Variants in ANKIB1 observed in about 807,000 individuals in gnomAD.
ANKIB1 encodes the protein ankyrin repeat and IBR domain containing 1.
In ANKIB1, 43 loss-of-function variants were observed where a neutral mutation model predicts 122.1. The ratio of observed to expected loss-of-function variants is 0.35; its 90% confidence interval spans 0.28 to 0.45. The LOEUF is 0.45. ANKIB1 is among the 20% of genes least tolerant of loss of function. ANKIB1 has a pLI of 1.00. For missense variants in ANKIB1, 992 were observed against 1,329.5 expected, an observed-to-expected ratio of 0.75 and a Z score of 3.95; for synonymous variants, 390 against 442.0, an observed-to-expected ratio of 0.88 and a Z score of 1.48.
intron 2 of ANKIB1, among the ~76,000 whole-genome samples, chr7:92,303,909 A>G (rs1046672613): frequency 2.0e-5 from 3 of 152,166 alleles, no homozygotes; most frequent in Non-Finnish European, 2.9e-5. Flanking sequence ...CTGCTTAAGA[A>G]TTAACAGTGA....
chr7:92,280,357 G>A, intron 1 of ANKIB1, among the ~76,000 whole-genome samples: 1 of 152,034 alleles, frequency 6.6e-6, no homozygotes, highest in South Asian at 2.1e-4. Flanking sequence ...TTACAGTGGT[G>A]GAGGTGGGAG....
intron 11 of ANKIB1, among the ~76,000 whole-genome samples, chr7:92,377,228 A>G (rs1804401280): frequency 6.6e-6 from 1 of 152,042 alleles, no homozygotes; most frequent in South Asian, 2.1e-4. Flanking sequence ...AACTACTTTT[A>G]ATATTGTTGT....
chr7:92,360,161 CTT>C (rs1803910572), intron 9 of ANKIB1, among the ~76,000 whole-genome samples: 1 of 152,084 alleles, frequency 6.6e-6, no homozygotes. Context: ...TTCATAACCA[CTT>C]TTCATTTTCA....
chr7:92,344,166 G>GT (rs1320836578), intron 6 of ANKIB1, among the ~76,000 whole-genome samples: 1 of 138,402 alleles, frequency 7.2e-6, no homozygotes, highest in South Asian at 2.4e-4. Context: ...ACATAGGTGG[G>GT]TTTTTTGTTG....
intron 16 of ANKIB1, 125 bp from the exon 17 acceptor site, chr7:92,392,116 G>A: frequency 1.7e-6 from 1 of 591,012 alleles, no homozygotes; most frequent in Non-Finnish European, 2.8e-6. Context: ...TTTAATAGTT[G>A]ATCTACTTTA....
At chr7:92,387,655 T>G in intron 12 of ANKIB1, 143 bp from the exon 13 acceptor site, 1 of 630,880 alleles carries the variant, frequency 1.6e-6, no homozygotes, top group Non-Finnish European at 2.8e-6. Flanking sequence ...AAAACAAGTA[T>G]TGTTTTTCTG....
chr7:92,382,397 C>T (rs1804537168), intron 11 of ANKIB1, among the ~76,000 whole-genome samples: 1 of 152,228 alleles, frequency 6.6e-6, no homozygotes, highest in Non-Finnish European at 1.5e-5. Context: ...ACCTAATAGA[C>T]ATCTACAGAA....
intron 1 of ANKIB1, among the ~76,000 whole-genome samples, chr7:92,291,208 C>T (rs376985606): frequency 5.3e-5 from 8 of 151,512 alleles, no homozygotes; most frequent in African/African-American, 1.5e-4. Flanking sequence ...GCATGAGAAT[C>T]GGTTGAACTT....
At chr7:92,375,931 A>G (rs1202678500) in intron 11 of ANKIB1, among the ~76,000 whole-genome samples, 1 of 152,234 alleles carries the variant, frequency 6.6e-6, no homozygotes, top group Non-Finnish European at 1.5e-5. Flanking sequence ...TTAAAACAAC[A>G]TTCATTTCCT....
At chr7:92,336,243 A>G (rs932194342) in intron 5 of ANKIB1, among the ~76,000 whole-genome samples, 7 of 151,264 alleles carry the variant, frequency 4.6e-5, no homozygotes, top group African/African-American at 1.5e-4. Context: ...TCTCTTTTTT[A>G]TCTCCTCTAA....
At chr7:92,378,033 G>A (rs566772600) in intron 11 of ANKIB1, among the ~76,000 whole-genome samples, 3 of 152,152 alleles carry the variant, frequency 2.0e-5, no homozygotes, top group African/African-American at 4.8e-5. Flanking sequence ...AAACTTAAAA[G>A]TGTGGATTAT....
At position 92,398,765 on chromosome 7, in the gene ANKIB1, T is replaced by C. The variant is rs376253765; in HGVS notation, c.3086T>C (p.Val1029Ala). 114 of 1,613,188 alleles carry C rather than the reference T, an allele frequency of 7.1e-5. No individual in the cohort carries two copies. The highest frequency in any genetic ancestry group is 8.9e-5 in the Non-Finnish European group (105 of 1,179,670). Residue 1029 changes from valine to alanine, a missense_variant, in exon 20 of 20, where the codon GTC (valine) becomes GCC (alanine). Val to Ala is a moderately conservative substitution (Grantham distance 64, BLOSUM62 0). Transcript: ENST00000265742. ...PEDSMFEDAS[V>A]SEGRGTQIEE... The stretch of plus-strand genomic sequence containing the variant: ...GATTCAATGTTTGAAGATGCCAGTG[T>C]CAGTGAAGGTAGAGGAACCCAGATA...
intron 7 of ANKIB1, among the ~76,000 whole-genome samples, chr7:92,348,445 G>T (rs1047284609): frequency 6.6e-6 from 1 of 150,930 alleles, no homozygotes; most frequent in Non-Finnish European, 1.5e-5. Flanking sequence ...GAGTGCAGTG[G>T]CACCATCTCA....
intron 1 of ANKIB1, among the ~76,000 whole-genome samples, chr7:92,276,525 C>G (rs995516344): frequency 6.6e-6 from 1 of 152,220 alleles, no homozygotes; most frequent in African/African-American, 2.4e-5. Flanking sequence ...CATCTCAAGC[C>G]TGATATGTTA....
At chr7:92,250,203 G>A (rs1427899654) in intron 1 of ANKIB1, among the ~76,000 whole-genome samples, 1 of 152,120 alleles carries the variant, frequency 6.6e-6, no homozygotes, top group Non-Finnish European at 1.5e-5. Context: ...AGACCAGCCT[G>A]ACCAACATAG....
intron 10 of ANKIB1, among the ~76,000 whole-genome samples, chr7:92,368,016 C>T (rs1000800594): frequency 6.6e-6 from 1 of 151,992 alleles, no homozygotes. Flanking sequence ...CTTAGCTAGG[C>T]ATTGTGGCAC....
In ANKIB1 at chr7:92,362,077, C is replaced by T. The variant is rs370686164; in HGVS notation, c.1398-108C>T. On this transcript the variant is annotated intron_variant, in intron 9 of 19. Transcript: ENST00000265742. ...CCACCCGCCTTGGCCTCCCAAAGTGCTGGGATTACAGGCATGAGCCACCAC... is the reference window on the plus strand; with the variant it reads ...CCACCCGCCTTGGCCTCCCAAAGTGTTGGGATTACAGGCATGAGCCACCAC... 48 of 978,620 alleles carry T rather than the reference C, an allele frequency of 4.9e-5. No individual in the cohort carries two copies. In the African/African-American group the frequency reaches 7.5e-4, roughly 15 times the overall value. The allele number at this position is 978,620 out of a possible 1,614,324, so 60.6% of individuals were successfully genotyped here. A position where few individuals can be genotyped will look rare whatever the true frequency, so the allele number is the denominator to read the frequency against.
chr7:92,397,667 A>T, intron 18 of ANKIB1, 56 bp from the exon 19 acceptor site: 1 of 1,598,206 alleles, frequency 6.3e-7, no homozygotes, highest in Non-Finnish European at 8.5e-7. Flanking sequence ...TATGAAAAAA[A>T]TAAATAAGTC....
At chr7:92,362,920 C>G (rs1056035611) in intron 10 of ANKIB1, among the ~76,000 whole-genome samples, 7 of 152,080 alleles carry the variant, frequency 4.6e-5, no homozygotes, top group Admixed American at 3.9e-4. Context: ...CTTTTTAAAG[C>G]CTTCCTAATA....
Sources: gnomAD v4.1 joint callset for allele counts (sites outside exome capture counted in the v4.1 genomes callset) on GRCh38, gnomAD v4.1.1 for gene constraint, MANE v1.5 for transcripts, NCBI Gene and HGNC (gene_info 2026-07-23, HGNC 2026-07-21) for gene names.